The following HOMER1 variants were observed in gnomAD, a reference collection of about 807,000 sequenced individuals.
The protein encoded by HOMER1 is homer protein homolog 1.
A neutral mutation model predicts 48.9 loss-of-function variants in HOMER1; 3 were observed. That is an observed-to-expected ratio of 0.06 (90% CI 0.03 to 0.16). HOMER1 has a LOEUF of 0.16. HOMER1 is among the 10% of genes least tolerant of loss of function. The pLI, the probability that HOMER1 is intolerant of heterozygous loss-of-function variation, is 1.00. For synonymous variants in HOMER1, 134 were observed against 146.4 expected (o/e 0.92, Z 0.61); for missense variants, 247 against 411.4 (o/e 0.60, Z 3.46).
chr5:79,445,038 TA>T (rs796448240), intron 4 of HOMER1, among the ~76,000 whole-genome samples: 32 of 149,796 alleles, frequency 2.1e-4, no homozygotes, highest in East Asian at 5.8e-4. Flanking sequence ...TTATTCTTAT[TA>T]AAAAAAAAAT....
intron 3 of HOMER1, among the ~76,000 whole-genome samples, chr5:79,448,343 T>C (rs1027036261): frequency 6.6e-6 from 1 of 152,212 alleles, no homozygotes; most frequent in African/African-American, 2.4e-5. Context: ...TAATTTAACA[T>C]TCCACAATAG....
chr5:79,512,722 C>A (rs1561394296), intron 1 of HOMER1, 48 bp downstream of exon 1: 1 of 1,584,582 alleles, frequency 6.3e-7, no homozygotes, highest in South Asian at 1.1e-5. Flanking sequence ...CTCAATAATA[C>A]ACATACATAA....
intron 1 of HOMER1, among the ~76,000 whole-genome samples, chr5:79,467,469 C>A (rs545844995): frequency 1.3e-5 from 2 of 149,174 alleles, no homozygotes; most frequent in East Asian, 4.0e-4. Flanking sequence ...AACGAACAAT[C>A]ATAATACTCT....
chr5:79,493,717 T>C (rs1481291950), intron 1 of HOMER1, among the ~76,000 whole-genome samples: 1 of 152,146 alleles, frequency 6.6e-6, no homozygotes, highest in Non-Finnish European at 1.5e-5. Context: ...TCAATAATTA[T>C]CCCTCTCTAC....
In HOMER1 at chr5:79,379,410, TTATA is replaced by T. The variant is rs1299256352; in HGVS notation, c.877-3217_877-3214del. Among the ~76,000 whole-genome samples the T allele has an allele frequency of 5.2e-5, 6 of 116,128 alleles. No individual in the cohort carries two copies. The East Asian group carries it at 8.6e-4, about 17-fold the overall frequency. 76.2% of individuals were successfully genotyped at this position (116,128 alleles called of 152,430 possible). On this transcript the variant is annotated intron_variant, in intron 8 of 8. Coordinates refer to ENST00000334082, the MANE Select transcript of HOMER1 (RefSeq NM_004272.5). ...ATATATTATATAAATATTTATATATTTATATATTTTATATATTATATATTTATTA... is the reference window on the plus strand; with the variant it reads ...ATATATTATATAAATATTTATATATTTATTTTATATATTATATATTTATTA...
intron 1 of HOMER1, among the ~76,000 whole-genome samples, chr5:79,458,684 T>G (rs1019213782): frequency 1.7e-4 from 26 of 152,136 alleles, no homozygotes; most frequent in Non-Finnish European, 2.8e-4. Context: ...TTAAAGAATC[T>G]CTCTTAAAAG....
chr5:79,410,489 C>CAAAAA, intron 5 of HOMER1, among the ~76,000 whole-genome samples: 1 of 105,156 alleles, frequency 9.5e-6, no homozygotes, highest in Middle Eastern at 5.4e-3. Context: ...AACTCTATCT[C>CAAAAA]AAAAAAAAAA....
Position 79,381,293 on chromosome 5 carries a change from C to T in HOMER1, c.877-5096G>A, listed in dbSNP as rs184045479. On this transcript the variant is annotated intron_variant, in intron 8 of 8. Coordinates refer to ENST00000334082, the MANE Select transcript of HOMER1 (RefSeq NM_004272.5). ...CAGAGACCATGCTACTGAACACACT[C>T]GGAATCAAAGCCAAAGTGCCCTGTG... Among the ~76,000 whole-genome samples, 15 of 152,310 alleles carry T rather than the reference C, an allele frequency of 9.8e-5. No individual in the cohort carries two copies. In the East Asian group the frequency reaches 1.9e-3, roughly 20 times the overall value.
chr5:79,478,807 C>A (rs192829873), intron 1 of HOMER1, among the ~76,000 whole-genome samples: 3 of 152,118 alleles, frequency 2.0e-5, no homozygotes, highest in African/African-American at 7.2e-5. Flanking sequence ...CAAAAATTAG[C>A]CGGGTATGAT....
intron 3 of HOMER1, among the ~76,000 whole-genome samples, chr5:79,448,048 G>A (rs920089613): frequency 3.3e-5 from 5 of 152,076 alleles, no homozygotes; most frequent in African/African-American, 1.2e-4. Flanking sequence ...TGGAAGGAAA[G>A]GCCTGTGATA....
chr5:79,473,717 AAG>A (rs1187096984), intron 1 of HOMER1, among the ~76,000 whole-genome samples: 1 of 152,198 alleles, frequency 6.6e-6, no homozygotes, highest in Non-Finnish European at 1.5e-5. Context: ...TTCTTAAGAA[AAG>A]AGAGAGGAGT....
At chr5:79,439,285 T>A in intron 4 of HOMER1, 136 bp from the exon 5 acceptor site, 2 of 758,444 alleles carry the variant, frequency 2.6e-6, no homozygotes, top group Non-Finnish European at 3.9e-6. Context: ...GTCAAAGACT[T>A]AAAAACATAA....
chr5:79,392,954 G>GGAGAGAGAGAGAGAGAGA (rs3082001), intron 8 of HOMER1, among the ~76,000 whole-genome samples: 31 of 140,958 alleles, frequency 2.2e-4, no homozygotes, highest in African/African-American at 6.2e-4. Context: ...GAAGGGAAAG[G>GGAGAGAGAGAGAGAGAGA]GAGAGAGAGA....
At chr5:79,509,388 G>T (rs887513732) in intron 1 of HOMER1, among the ~76,000 whole-genome samples, 2 of 151,670 alleles carry the variant, frequency 1.3e-5, no homozygotes, top group African/African-American at 4.9e-5. Context: ...AAAAACAAAG[G>T]GTTTCATGAA....
At chr5:79,394,657 A>G (rs1333535637) in intron 8 of HOMER1, among the ~76,000 whole-genome samples, 1 of 152,152 alleles carries the variant, frequency 6.6e-6, no homozygotes, top group Non-Finnish European at 1.5e-5. Flanking sequence ...AGCTCACTGC[A>G]ACTCCCAACT....
intron 1 of HOMER1, among the ~76,000 whole-genome samples, chr5:79,508,603 G>T (rs1379767446): frequency 6.6e-6 from 1 of 152,160 alleles, no homozygotes; most frequent in Non-Finnish European, 1.5e-5. Flanking sequence ...CGTTTTAGTG[G>T]TGTCAATCAC....
intron 5 of HOMER1, among the ~76,000 whole-genome samples, chr5:79,420,883 G>T (rs1419861839): frequency 6.6e-6 from 1 of 152,126 alleles, no homozygotes; most frequent in Non-Finnish European, 1.5e-5. Flanking sequence ...TATTAAAATG[G>T]ACCTATGCCA....
intron 1 of HOMER1, among the ~76,000 whole-genome samples, chr5:79,475,190 C>G (rs1751727744): frequency 6.6e-6 from 1 of 151,754 alleles, no homozygotes; most frequent in Non-Finnish European, 1.5e-5. Context: ...ACTATCCCAT[C>G]CCCCTTTTGA....
rs187941941 is a variant in HOMER1, at chr5:79,434,220, G to A, written c.527+4790C>T. ...TATTTGAGGATCAAAAAATTGTAAT[G>A]AACAAAATGAAAACTTTTAGTTTTC... On this transcript the variant is annotated intron_variant, in intron 5 of 8. Transcript: ENST00000334082. Among the ~76,000 whole-genome samples, 253 of 151,924 alleles carry A rather than the reference G, an allele frequency of 1.7e-3. 1 individual carries two copies. Among genetic ancestry groups the A allele is most frequent in the African/African-American group, 5.9e-3 (246 of 41,474 alleles).
Sources: gnomAD v4.1 joint callset for allele counts (sites outside exome capture counted in the v4.1 genomes callset) on GRCh38, gnomAD v4.1.1 for gene constraint, MANE v1.5 for transcripts, NCBI Gene and HGNC (gene_info 2026-07-23, HGNC 2026-07-21) for gene names.